The following CFAP44 variants were observed in gnomAD, a reference collection of about 807,000 sequenced individuals.
The protein encoded by CFAP44 is cilia and flagella associated protein 44, also known as cilia- and flagella-associated protein 44.
In CFAP44, 134 loss-of-function variants were observed where a neutral mutation model predicts 216.2. That is an observed-to-expected ratio of 0.62 (90% CI 0.54 to 0.72). The LOEUF is 0.72. Among genes scored for constraint, CFAP44 ranks in the 30% least tolerant of loss-of-function variants. CFAP44 has a pLI of 0.00. For missense variants in CFAP44, 2,035 were observed against 2,182.1 expected (o/e 0.93, Z 1.34); for synonymous variants, 700 against 727.6 (o/e 0.96, Z 0.61).
In CFAP44 at chr3:113,344,658, G is replaced by A. The variant is rs1172726021; in HGVS notation, c.3120C>T (p.Asp1040=). ...CCAGCCTGTAAGAGGATATCTTGTGGTCACTCAGTATGGCATGAACCACAA... is the reference window on the plus strand; with the variant it reads ...CCAGCCTGTAAGAGGATATCTTGTGATCACTCAGTATGGCATGAACCACAA... ...DTIVVHAILS[D]HKISSYRLVQ... is the part of the protein sequence containing the mutation. The change falls in exon 23 of 35, where the codon GAC becomes GAT. Residue 1040 remains aspartate, a synonymous_variant. Coordinates refer to ENST00000393845, the MANE Select transcript of CFAP44 (RefSeq NM_001164496.2). The A allele has an allele frequency of 3.3e-6, 5 of 1,536,498 alleles. No homozygotes were observed. In the East Asian group the frequency reaches 7.3e-5, roughly 23 times the overall value.
chr3:113,303,818 T>C (rs1949960710), intron 32 of CFAP44, 98 bp downstream of exon 32: 3 of 1,288,530 alleles, frequency 2.3e-6, no homozygotes, highest in Non-Finnish European at 3.2e-6. Context: ...TGGTTCTGAG[T>C]CTGCAATTAC....
chr3:113,327,839 T>G lies in CFAP44; in HGVS notation c.4117-20A>C. 1 of 1,534,130 alleles carries G rather than the reference T, an allele frequency of 6.5e-7. No individual in the cohort carries two copies. Among genetic ancestry groups the G allele is most frequent in the Non-Finnish European group, 8.7e-7 (1 of 1,145,026 alleles). ...TTTGATCTGAGATGGAAAAAATATT[T>G]GCGGATACGTTAGAAGACTAGATAA... On this transcript the variant is annotated intron_variant, in intron 26 of 34. Transcript: ENST00000393845.
At chr3:113,362,878 T>C in intron 21 of CFAP44, 2 of 1,193,054 alleles carry the variant, frequency 1.7e-6, no homozygotes, top group Non-Finnish European at 2.1e-6. Flanking sequence ...GGGTTCTACT[T>C]TATTTCTTCC....
At position 113,440,951 on chromosome 3, in the gene CFAP44, T is replaced by A. The variant is rs956550180; in HGVS notation, c.-6+502A>T. ...CTGTCTTTACCTATTATCCGACAAATATTTATGTGCACCTACTATGTGTCA... is the reference window on the plus strand; with the variant it reads ...CTGTCTTTACCTATTATCCGACAAAAATTTATGTGCACCTACTATGTGTCA... On this transcript the variant is annotated intron_variant, in intron 1 of 34. Transcript: ENST00000393845. 3.9e-5 allele frequency among the ~76,000 whole-genome samples: 6 copies of A among 152,344 alleles called. No homozygotes were observed. The East Asian group carries it at 1.2e-3, about 29-fold the overall frequency.
chr3:113,396,102 CA>C (rs1163817853), intron 14 of CFAP44, among the ~76,000 whole-genome samples: 5 of 152,060 alleles, frequency 3.3e-5, no homozygotes, highest in Admixed American at 1.3e-4. Flanking sequence ...GAAATTCACA[CA>C]AAAAAATTAT....
chr3:113,379,478 T>C lies in CFAP44; in HGVS notation c.2126A>G (p.Lys709Arg). ...KEKIREERRNKLAAEMGEDGE... is the reference protein window; with the variant it reads ...KEKIREERRNRLAAEMGEDGE... ...ATCTTCTCCCATCTCTGCTGCTAGC[T>C]TGTTCCTCCTTTCTTCCCTTATTTT... Residue 709 changes from lysine (K) to arginine (R), a missense_variant, in exon 17 of 35, where the codon AAG (lysine) becomes AGG (arginine). Lys to Arg is a conservative substitution (Grantham distance 26). Coordinates refer to ENST00000393845, the MANE Select transcript of CFAP44 (RefSeq NM_001164496.2). The C allele has an allele frequency of 6.2e-7, 1 of 1,609,484 alleles. No homozygotes were observed. The highest frequency in any genetic ancestry group is 1.1e-5 in the South Asian group (1 of 90,920).
chr3:113,321,273 T>G (rs1290994416), intron 28 of CFAP44, among the ~76,000 whole-genome samples: 2 of 152,100 alleles, frequency 1.3e-5, no homozygotes, highest in Non-Finnish European at 1.5e-5. Context: ...GCAAAAACCA[T>G]GTGATCATCG....
chr3:113,303,188 G>A (rs1949954816), intron 32 of CFAP44, among the ~76,000 whole-genome samples: 2 of 152,178 alleles, frequency 1.3e-5, no homozygotes, highest in Admixed American at 1.3e-4. Flanking sequence ...ATCCAGGAGA[G>A]CTGAAAATGT....
intron 27 of CFAP44, among the ~76,000 whole-genome samples, chr3:113,326,929 A>T (rs1195164721): frequency 6.6e-6 from 1 of 152,152 alleles, no homozygotes; most frequent in Non-Finnish European, 1.5e-5. Context: ...CCTTAAATTG[A>T]ATATGTGGAT....
At chr3:113,368,994 C>T (rs1933054337) in intron 18 of CFAP44, among the ~76,000 whole-genome samples, 1 of 151,984 alleles carries the variant, frequency 6.6e-6, no homozygotes, top group Admixed American at 6.6e-5. Context: ...AGACAAAGGC[C>T]ATTACATAAT....
At chr3:113,410,992 G>T (rs1257767166) in intron 6 of CFAP44, among the ~76,000 whole-genome samples, 4 of 151,964 alleles carry the variant, frequency 2.6e-5, no homozygotes, top group African/African-American at 9.7e-5. Flanking sequence ...TTTTTGATGG[G>T]GTTGTTTTTT....
At chr3:113,351,017 A>G (rs1950440005) in intron 22 of CFAP44, among the ~76,000 whole-genome samples, 1 of 152,228 alleles carries the variant, frequency 6.6e-6, no homozygotes, top group African/African-American at 2.4e-5. Context: ...AAAAGACTCA[A>G]TGGGTATTCA....
chr3:113,408,190 T>C (rs1178143553), intron 7 of CFAP44, among the ~76,000 whole-genome samples: 2 of 152,124 alleles, frequency 1.3e-5, no homozygotes, highest in Admixed American at 6.6e-5. Flanking sequence ...ATAATCAAGT[T>C]ATGGGAAGCT....
chr3:113,365,288 A>G (rs1950576960), intron 19 of CFAP44, among the ~76,000 whole-genome samples: 1 of 152,130 alleles, frequency 6.6e-6, no homozygotes, highest in East Asian at 1.9e-4. Flanking sequence ...TGACCTACTC[A>G]TATCTTCCCT....
intron 24 of CFAP44, among the ~76,000 whole-genome samples, chr3:113,338,611 T>C (rs1950302863): frequency 2.0e-5 from 3 of 152,144 alleles, no homozygotes; most frequent in Admixed American, 6.5e-5. Flanking sequence ...TCAGTGTCTG[T>C]CAGGGTCTGA....
intron 34 of CFAP44, among the ~76,000 whole-genome samples, chr3:113,293,437 T>C (rs1345623053): frequency 2.0e-5 from 3 of 152,224 alleles, no homozygotes; most frequent in Non-Finnish European, 4.4e-5. Flanking sequence ...AGTACTGTTT[T>C]GGGGATTAAA....
At chr3:113,383,590 G>A (rs1163637098) in intron 15 of CFAP44, among the ~76,000 whole-genome samples, 1 of 151,980 alleles carries the variant, frequency 6.6e-6, no homozygotes, top group Admixed American at 6.6e-5. Context: ...GATATGGAAG[G>A]AAATGAAGAA....
rs79269467 is a variant in CFAP44, at chr3:113,291,455, C to G, written c.*102G>C. 3 of 1,336,384 alleles carry G rather than the reference C, an allele frequency of 2.2e-6. No homozygotes were observed. In the Admixed American group the frequency reaches 7.2e-5, roughly 32 times the overall value. 82.8% of individuals were successfully genotyped at this position (1,336,384 alleles called of 1,614,324 possible). ...CTGGATCTGGTTTTACACTTTCAGG[C>G]GAGTTCAGTTTAAAGTAATAAGATT... On this transcript the variant is annotated 3_prime_UTR_variant, in exon 35 of 35. Coordinates refer to ENST00000393845, the MANE Select transcript of CFAP44 (RefSeq NM_001164496.2).
intron 8 of CFAP44, among the ~76,000 whole-genome samples, chr3:113,405,260 G>C (rs72944571): frequency 6.6e-6 from 1 of 152,082 alleles, no homozygotes; most frequent in South Asian, 2.1e-4. Context: ...GCCATTTATG[G>C]TAGAGTCTTT....
Sources: gnomAD v4.1 joint callset for allele counts (sites outside exome capture counted in the v4.1 genomes callset) on GRCh38, gnomAD v4.1.1 for gene constraint, MANE v1.5 for transcripts, NCBI Gene and HGNC (gene_info 2026-07-23, HGNC 2026-07-21) for gene names.